ERCC8: variants seen among roughly 807,000 people sequenced by gnomAD.
ERCC8 encodes the protein ERCC excision repair 8, CSA ubiquitin ligase complex subunit, also known as DNA excision repair protein ERCC-8.
Under a neutral mutation model 54.9 loss-of-function variants are expected in ERCC8, and 52 were observed. The ratio of observed to expected loss-of-function variants is 0.95; its 90% CI spans 0.76 to 1.19. The LOEUF (loss-of-function observed/expected upper bound fraction) is 1.19. ERCC8 is among the 50% of genes most tolerant of loss of function. ERCC8 has a pLI of 0.00. For missense variants in ERCC8, 514 were observed against 466.1 expected (o/e 1.10, Z -0.95); for synonymous variants, 146 against 157.2 (o/e 0.93, Z 0.53).
intron 11 of ERCC8, among the ~76,000 whole-genome samples, chr5:60,882,179 G>A (rs1166125496): frequency 6.6e-6 from 1 of 152,030 alleles, no homozygotes; most frequent in African/African-American, 2.4e-5. Flanking sequence ...CTGCATGTCT[G>A]AGAATGTTCA....
chr5:60,896,286 G>A (rs1273499262), intron 9 of ERCC8, among the ~76,000 whole-genome samples: 1 of 152,138 alleles, frequency 6.6e-6, no homozygotes, highest in Non-Finnish European at 1.5e-5. Context: ...GCGCGATCTC[G>A]GCTCACCGCA....
rs151172196 is a variant in ERCC8, at chr5:60,883,227, G to A, written c.1122+4213C>T. Among the ~76,000 whole-genome samples the A allele has an allele frequency of 4.0e-3, 610 of 152,216 alleles. 5 individuals carry two copies. The highest frequency in any genetic ancestry group is 0.014 in the African/African-American group (566 of 41,530). On this transcript the variant is annotated intron_variant, in intron 11 of 11. Transcript: ENST00000676185. ...TTATTTCACTTTTCAGTGAAATAATGATATATGAATGCATTACAGTATTTT... is the reference window on the plus strand; with the variant it reads ...TTATTTCACTTTTCAGTGAAATAATAATATATGAATGCATTACAGTATTTT...
chr5:60,937,482 T>C (rs1580050611), intron 1 of ERCC8, among the ~76,000 whole-genome samples: 1 of 152,088 alleles, frequency 6.6e-6, no homozygotes, highest in Admixed American at 6.5e-5. Flanking sequence ...GCTGCTGTGG[T>C]AGATGGGGGC....
In ERCC8 at chr5:60,903,736, T is replaced by G. The variant is rs1457118896; in HGVS notation, c.482-20A>C. ...TACCAACTGTAAAAACAGAACCGGT[T>G]TAAGATAATTTTATCATAAGTCATC... On this transcript the variant is annotated intron_variant, in intron 5 of 11. Transcript: ENST00000676185. 5.0e-6 allele frequency: 8 copies of G among 1,610,100 alleles called. No individual in the cohort carries two copies. Among genetic ancestry groups the G allele is most frequent in the Non-Finnish European group, 6.8e-6 (8 of 1,177,688 alleles).
At chr5:60,899,413 G>A (rs536342718) in intron 8 of ERCC8, among the ~76,000 whole-genome samples, 1 of 151,796 alleles carries the variant, frequency 6.6e-6, no homozygotes, top group Non-Finnish European at 1.5e-5. Context: ...GAAAATTTGG[G>A]GGCAAATGAA....
Position 60,868,124 on chromosome 5 carries a change from G to T in ERCC8, c.*6491C>A, listed in dbSNP as rs958942202. On this transcript the variant is annotated 3_prime_UTR_variant, in exon 12 of 12. Coordinates refer to ENST00000676185, the MANE Select transcript of ERCC8 (RefSeq NM_000082.4). ...GAACCCAGGAGGCGGAGGTTGCGGT[G>T]AGCTGAGGTCACACCATTGCCCTCC... 4.6e-5 allele frequency among the ~76,000 whole-genome samples: 7 copies of T among 152,210 alleles called. No individual in the cohort carries two copies. The highest frequency in any genetic ancestry group is 2.0e-4 in the Admixed American group (3 of 15,284).
intron 1 of ERCC8, among the ~76,000 whole-genome samples, chr5:60,940,135 G>A (rs1350429797): frequency 6.6e-6 from 1 of 152,062 alleles, no homozygotes; most frequent in Non-Finnish European, 1.5e-5. Flanking sequence ...CTTGTTTTAT[G>A]AGTTGTGATA....
intron 1 of ERCC8, among the ~76,000 whole-genome samples, chr5:60,933,283 A>G (rs1749968513): frequency 7.5e-6 from 1 of 133,862 alleles, no homozygotes; most frequent in African/African-American, 2.8e-5. Flanking sequence ...CTGTGGTGCA[A>G]TCTCGGCTCA....
intron 1 of ERCC8, among the ~76,000 whole-genome samples, chr5:60,942,061 G>A (rs1750274603): frequency 6.6e-6 from 1 of 152,074 alleles, no homozygotes; most frequent in South Asian, 2.1e-4. Flanking sequence ...CGAAAAGTAA[G>A]TATTTTATAA....
intron 11 of ERCC8, among the ~76,000 whole-genome samples, chr5:60,884,532 T>TTTG (rs1554072315): frequency 1.3e-5 from 2 of 150,700 alleles, no homozygotes; most frequent in Non-Finnish European, 3.0e-5. Flanking sequence ...TGTTTTTTTT[T>TTTG]TTTTTGTTTT....
chr5:60,900,787 A>G (rs1323444278), intron 7 of ERCC8: 2 of 152,088 alleles, frequency 1.3e-5, no homozygotes, highest in Non-Finnish European at 2.9e-5. Flanking sequence ...TGTGGTACTG[A>G]TTCAAATTCC....
At chr5:60,891,108 G>T (rs1242908213) in intron 9 of ERCC8, 22 bp from the exon 10 acceptor site, 1 of 1,455,720 alleles carries the variant, frequency 6.9e-7, no homozygotes, top group East Asian at 2.3e-5. Flanking sequence ...AAATAATAAG[G>T]TTACTCATCT....
intron 10 of ERCC8, among the ~76,000 whole-genome samples, chr5:60,889,598 G>A (rs35948426): frequency 0.36 from 55,325 of 152,040 alleles, 10,505 homozygotes; most frequent in Middle Eastern, 0.4. Flanking sequence ...ACTGTGCGCA[G>A]CCATTGTCAC....
At chr5:60,876,146 T>C (rs1747998786) in intron 11 of ERCC8, among the ~76,000 whole-genome samples, 1 of 152,158 alleles carries the variant, frequency 6.6e-6, no homozygotes, top group South Asian at 2.1e-4. Flanking sequence ...TTTTTGTCCT[T>C]GCAATAGTTT....
chr5:60,887,069 T>G (rs981589275), intron 11 of ERCC8, among the ~76,000 whole-genome samples: 10 of 152,348 alleles, frequency 6.6e-5, no homozygotes, highest in South Asian at 2.1e-4. Flanking sequence ...AACATATGCA[T>G]AGGAAAAAAC....
intron 3 of ERCC8, among the ~76,000 whole-genome samples, chr5:60,920,352 C>T (rs775379054): frequency 2.0e-5 from 3 of 151,812 alleles, no homozygotes; most frequent in Non-Finnish European, 4.4e-5. Context: ...TTAAATGAAA[C>T]AAATTTTTAA....
In ERCC8 at chr5:60,905,723, T is replaced by C. The variant is rs143783797; in HGVS notation, c.400-850A>G. ...CTGCCTGCTGCACAAACAAAATCAA[T>C]TCACAAAAACCATGGCATTGTAGTA... On this transcript the variant is annotated intron_variant, in intron 4 of 11. Coordinates refer to ENST00000676185, the MANE Select transcript of ERCC8 (RefSeq NM_000082.4). Among the ~76,000 whole-genome samples, 683 of 152,296 alleles carry C rather than the reference T, an allele frequency of 4.5e-3. 6 individuals are homozygous for C. The highest frequency in any genetic ancestry group is 5.1e-3 in the Non-Finnish European group (346 of 68,024).
At chr5:60,927,947 A>G (rs960912822) in intron 2 of ERCC8, among the ~76,000 whole-genome samples, 6 of 152,250 alleles carry the variant, frequency 3.9e-5, no homozygotes, top group Non-Finnish European at 7.3e-5. Flanking sequence ...TGTATTAATA[A>G]TAATATTTCA....
At chr5:60,915,885 A>G (rs1459595697) in intron 4 of ERCC8, among the ~76,000 whole-genome samples, 1 of 151,980 alleles carries the variant, frequency 6.6e-6, no homozygotes, top group Admixed American at 6.6e-5. Context: ...ATTAGTACAT[A>G]GACATCTGGG....
Sources: allele counts gnomAD v4.1 joint callset (sites outside exome capture counted in the v4.1 genomes callset), GRCh38; gene constraint gnomAD v4.1.1; transcripts MANE v1.5; gene names NCBI Gene and HGNC (gene_info 2026-07-23, HGNC 2026-07-21).